The following EXOC4 variants were observed in gnomAD, a reference collection of about 807,000 sequenced individuals.
EXOC4 encodes the protein SEC8-like 1.
A neutral mutation model predicts 107.2 loss-of-function variants in EXOC4; 71 were observed. The observed-to-expected ratio is 0.66, with a 90% confidence interval of 0.55 to 0.81. EXOC4 has a LOEUF of 0.81. EXOC4 is among the 30% of genes least tolerant of loss of function. EXOC4 has a pLI of 0.00. For synonymous variants in EXOC4, 456 were observed against 441.2 expected (o/e 1.03, Z -0.42); for missense variants, 1,108 against 1,189.6 (o/e 0.93, Z 1.01).
chr7:133,961,280 CTTTTTTTTTTTTTTT>C (rs34400471), intron 14 of EXOC4, among the ~76,000 whole-genome samples: 1 of 77,010 alleles, frequency 1.3e-5, no homozygotes, highest in East Asian at 4.8e-4. Flanking sequence ...TCATGTCAAA[CTTTTTTTTTTTTTTT>C]TTTTTTTTTG....
intron 1 of EXOC4, among the ~76,000 whole-genome samples, chr7:133,262,204 G>T (rs1795170101): frequency 6.6e-6 from 1 of 152,168 alleles, no homozygotes; most frequent in Non-Finnish European, 1.5e-5. Context: ...ATATTCAGAT[G>T]TGCTGTTTAA....
intron 10 of EXOC4, among the ~76,000 whole-genome samples, chr7:133,660,122 C>T (rs1180970735): frequency 6.6e-6 from 1 of 152,088 alleles, no homozygotes; most frequent in Non-Finnish European, 1.5e-5. Context: ...GAATTCACAA[C>T]CTGAATATTA....
intron 10 of EXOC4, among the ~76,000 whole-genome samples, chr7:133,716,034 CTCAATTGAGAA>C (rs1794991556): frequency 6.6e-6 from 1 of 152,192 alleles, no homozygotes; most frequent in Non-Finnish European, 1.5e-5. Flanking sequence ...CACATGGTAT[CTCAATTGAGAA>C]ATTCTTTTCC....
At chr7:133,752,182 C>A (rs1317473498) in intron 10 of EXOC4, among the ~76,000 whole-genome samples, 1 of 151,966 alleles carries the variant, frequency 6.6e-6, no homozygotes, top group Admixed American at 6.6e-5. Flanking sequence ...AACAAAAAGA[C>A]CATTATCTAA....
intron 11 of EXOC4, among the ~76,000 whole-genome samples, chr7:133,883,256 T>C (rs1233392542): frequency 2.0e-5 from 3 of 152,128 alleles, no homozygotes; most frequent in African/African-American, 7.2e-5. Context: ...CAGTCTTCCA[T>C]TGTATGAGTA....
At chr7:133,659,176 G>A (rs1302576769) in intron 10 of EXOC4, among the ~76,000 whole-genome samples, 1 of 151,998 alleles carries the variant, frequency 6.6e-6, no homozygotes, top group African/African-American at 2.4e-5. Context: ...GGGCAGTTTA[G>A]TTCCATGATT....
intron 10 of EXOC4, among the ~76,000 whole-genome samples, chr7:133,777,583 T>A (rs562611935): frequency 1.3e-5 from 2 of 152,322 alleles, no homozygotes; most frequent in East Asian, 3.9e-4. Context: ...GGAATGAGGA[T>A]GCACTGATTT....
chr7:134,040,702 G>A (rs1052331508), intron 17 of EXOC4, among the ~76,000 whole-genome samples: 8 of 152,172 alleles, frequency 5.3e-5, no homozygotes, highest in Admixed American at 5.2e-4. Context: ...CAAATTTTTA[G>A]CAATATGTAG....
At chr7:133,920,012 ACAAGAGCTCC>A (rs2116647060) in intron 13 of EXOC4, among the ~76,000 whole-genome samples, 1 of 152,334 alleles carries the variant, frequency 6.6e-6, no homozygotes, top group South Asian at 2.1e-4. Flanking sequence ...CCAGCAAGGA[ACAAGAGCTCC>A]TGTTTCTCCA....
At chr7:133,531,173 C>T (rs977333797) in intron 9 of EXOC4, among the ~76,000 whole-genome samples, 6 of 151,896 alleles carry the variant, frequency 4.0e-5, no homozygotes, top group African/African-American at 1.5e-4. Flanking sequence ...TAATATAGTA[C>T]CCATTAGTAT....
chr7:133,847,996 C>T (rs28652670), intron 11 of EXOC4, among the ~76,000 whole-genome samples: 1 of 149,352 alleles, frequency 6.7e-6, no homozygotes, highest in Non-Finnish European at 1.5e-5. Flanking sequence ...TCTCAAAGTG[C>T]TGGGATTACA....
intron 12 of EXOC4, among the ~76,000 whole-genome samples, chr7:133,906,369 G>T (rs1799565897): frequency 6.6e-6 from 1 of 152,174 alleles, no homozygotes; most frequent in Admixed American, 6.5e-5. Context: ...GCCTTGCTGG[G>T]AAGGTGACTG....
chr7:133,654,692 A>G (rs1803245037), intron 10 of EXOC4, among the ~76,000 whole-genome samples: 1 of 152,158 alleles, frequency 6.6e-6, no homozygotes, highest in Admixed American at 6.5e-5. Context: ...ATAATAAAAT[A>G]TAGTCACACA....
intron 9 of EXOC4, among the ~76,000 whole-genome samples, chr7:133,607,750 T>C: frequency 6.6e-6 from 1 of 152,198 alleles, no homozygotes; most frequent in Non-Finnish European, 1.5e-5. Flanking sequence ...ATACTAAAAG[T>C]AGAAGTGCGG....
chr7:133,289,805 C>A (rs1299832190), intron 3 of EXOC4, among the ~76,000 whole-genome samples: 1 of 152,182 alleles, frequency 6.6e-6, no homozygotes, highest in East Asian at 1.9e-4. Flanking sequence ...TTTCTCCCTT[C>A]CCTTTTACCC....
At chr7:133,530,535 A>G (rs914531007) in intron 9 of EXOC4, among the ~76,000 whole-genome samples, 1 of 152,226 alleles carries the variant, frequency 6.6e-6, no homozygotes, top group African/African-American at 2.4e-5. Flanking sequence ...ATACCATAGT[A>G]TAATCCCATG....
chr7:133,399,542 A>T (rs1463211799), intron 7 of EXOC4, among the ~76,000 whole-genome samples: 1 of 152,238 alleles, frequency 6.6e-6, no homozygotes, highest in Non-Finnish European at 1.5e-5. Flanking sequence ...TGTTGCTTCC[A>T]TTATAAAACT....
chr7:133,412,896 A>C (rs1797395039), intron 7 of EXOC4, among the ~76,000 whole-genome samples: 1 of 152,070 alleles, frequency 6.6e-6, no homozygotes, highest in African/African-American at 2.4e-5. Context: ...GTTTAATGGC[A>C]AACCTCTCGG....
intron 11 of EXOC4, among the ~76,000 whole-genome samples, chr7:133,858,439 G>A (rs1373119382): frequency 1.3e-5 from 2 of 152,104 alleles, no homozygotes; most frequent in Non-Finnish European, 2.9e-5. Context: ...CCTGGAAAAA[G>A]CACCACTTGA....
Sources: gnomAD v4.1 joint callset for allele counts (sites outside exome capture counted in the v4.1 genomes callset) on GRCh38, gnomAD v4.1.1 for gene constraint, MANE v1.5 for transcripts, NCBI Gene and HGNC (gene_info 2026-07-23, HGNC 2026-07-21) for gene names.